The following EXT1 variants were observed in gnomAD, a reference collection of about 807,000 sequenced individuals.
EXT1 encodes exostosin-1.
A neutral mutation model predicts 82.5 loss-of-function variants in EXT1; 20 were observed. The ratio of observed to expected loss-of-function variants is 0.24; its 90% CI spans 0.17 to 0.35. The LOEUF (loss-of-function observed/expected upper bound fraction) is 0.35. Among genes scored for constraint, EXT1 ranks in the 10% least tolerant of loss-of-function variants. The pLI is 1.00. For synonymous variants in EXT1, 348 were observed against 350.8 expected, an observed-to-expected ratio of 0.99 and a Z score of 0.09; for missense variants, 757 against 936.5, an observed-to-expected ratio of 0.81 and a Z score of 2.50.
intron 1 of EXT1, among the ~76,000 whole-genome samples, chr8:117,869,771 T>C (rs941121924): frequency 6.6e-6 from 1 of 152,162 alleles, no homozygotes; most frequent in African/African-American, 2.4e-5. Flanking sequence ...TCAAATTCCT[T>C]AGCCATAAAC....
chr8:117,897,204 A>G (rs2129957866), intron 1 of EXT1, among the ~76,000 whole-genome samples: 1 of 152,332 alleles, frequency 6.6e-6, no homozygotes, highest in South Asian at 2.1e-4. Flanking sequence ...ATCCCCTGTA[A>G]CCTAGAGCTT....
At chr8:117,911,655 C>A (rs548772877) in intron 1 of EXT1, among the ~76,000 whole-genome samples, 2 of 152,170 alleles carry the variant, frequency 1.3e-5, no homozygotes, top group Non-Finnish European at 2.9e-5. Context: ...ACTTATTCTG[C>A]GAGCTTGTAA....
At chr8:118,048,984 G>A (rs1198300977) in intron 1 of EXT1, among the ~76,000 whole-genome samples, 1 of 151,912 alleles carries the variant, frequency 6.6e-6, no homozygotes, top group Non-Finnish European at 1.5e-5. Context: ...CCAATAACAA[G>A]AACTAAAGCT....
chr8:117,888,795 G>C (rs1325624057), intron 1 of EXT1, among the ~76,000 whole-genome samples: 1 of 152,142 alleles, frequency 6.6e-6, no homozygotes, highest in Admixed American at 6.5e-5. Context: ...TCCTTTGTCT[G>C]AATTCTGCTA....
chr8:118,009,882 C>T (rs920482965), intron 1 of EXT1, among the ~76,000 whole-genome samples: 1 of 152,070 alleles, frequency 6.6e-6, no homozygotes, highest in Non-Finnish European at 1.5e-5. Flanking sequence ...GGTTGGGAAC[C>T]GCTAGTCTAT....
At position 117,872,713 on chromosome 8, in the gene EXT1, GCAATATTATA is replaced by G. The variant is rs761126727; in HGVS notation, c.963-35522_963-35513del. Among the ~76,000 whole-genome samples the G allele has an allele frequency of 3.6e-4, 54 of 151,526 alleles. 1 individual carries two copies. The highest frequency in any genetic ancestry group is 1.3e-4 in the Non-Finnish European group (9 of 67,940). On this transcript the variant is annotated intron_variant, in intron 1 of 10. Transcript: ENST00000378204. ...TCACAAAATGGAAAAGAAAGAAATG[GCAATATTATA>G]CAATGTGTTTTGGTATCTTATTTCT...
chr8:117,919,922 G>A (rs1813823517), intron 1 of EXT1, among the ~76,000 whole-genome samples: 1 of 152,090 alleles, frequency 6.6e-6, no homozygotes, highest in South Asian at 2.1e-4. Context: ...TAGATTTTAT[G>A]TATTTACTAT....
rs780989816 is a variant in EXT1, at chr8:117,822,535, A to G, written c.1347T>C (p.Pro449=). Residue 449 remains proline (P), a synonymous_variant, in exon 5 of 11, where the codon CCT becomes CCC. Coordinates refer to ENST00000378204, the MANE Select transcript of EXT1 (RefSeq NM_000127.3). ...SRNSLIWNKH[P]GGLFVLPQYS... The stretch of plus-strand genomic sequence containing the variant: ...ACTGTGGTAGTACGAACAATCCTCC[A>G]GGATGTTTGTTCCATATTAAACTGT... 1 of 1,612,794 alleles carries G rather than the reference A, an allele frequency of 6.2e-7. No homozygotes were observed. Among genetic ancestry groups the G allele is most frequent in the South Asian group, 1.1e-5 (1 of 91,056 alleles).
chr8:117,896,342 C>G (rs1252832144), intron 1 of EXT1, among the ~76,000 whole-genome samples: 2 of 152,154 alleles, frequency 1.3e-5, no homozygotes, highest in South Asian at 4.1e-4. Context: ...GCATCTTTAA[C>G]ACAAATCATC....
chr8:117,943,944 T>A (rs1049266954), intron 1 of EXT1, among the ~76,000 whole-genome samples: 1 of 152,162 alleles, frequency 6.6e-6, no homozygotes, highest in Admixed American at 6.5e-5. Context: ...GGTTTCACCC[T>A]CCCACCCCCT....
intron 1 of EXT1, among the ~76,000 whole-genome samples, chr8:117,954,536 G>A (rs1157483743): frequency 6.6e-6 from 1 of 152,134 alleles, no homozygotes; most frequent in Non-Finnish European, 1.5e-5. Context: ...TTGTTATTTA[G>A]ATTATATATG....
chr8:117,833,719 A>G (rs531174066), intron 3 of EXT1, among the ~76,000 whole-genome samples: 10 of 152,312 alleles, frequency 6.6e-5, no homozygotes, highest in African/African-American at 2.4e-4. Flanking sequence ...TCATGGGAGC[A>G]TTGGTATATA....
intron 1 of EXT1, among the ~76,000 whole-genome samples, chr8:118,032,415 AG>A (rs1380930850): frequency 6.6e-6 from 1 of 151,878 alleles, no homozygotes; most frequent in Non-Finnish European, 1.5e-5. Flanking sequence ...GATTTTTTTC[AG>A]GGTCTGTGCT....
chr8:118,005,515 C>T (rs1348324139), intron 1 of EXT1, among the ~76,000 whole-genome samples: 1 of 152,180 alleles, frequency 6.6e-6, no homozygotes, highest in Non-Finnish European at 1.5e-5. Flanking sequence ...CTGACTTTCA[C>T]AGCAACTCTA....
intron 1 of EXT1, among the ~76,000 whole-genome samples, chr8:117,858,787 A>AGGCAGGCAG (rs1563582063): frequency 8.2e-6 from 1 of 121,976 alleles, no homozygotes; most frequent in Non-Finnish European, 1.6e-5. Context: ...GCAGGCAGGC[A>AGGCAGGCAG]GGCAAGGCAA....
rs17430673 is a variant in EXT1, at chr8:117,912,989, T to C, written c.963-75788A>G. 6.1e-3 allele frequency among the ~76,000 whole-genome samples: 934 copies of C among 152,260 alleles called. 3 individuals carry two copies. Among genetic ancestry groups the C allele is most frequent in the African/African-American group, 0.01 (430 of 41,554 alleles). On this transcript the variant is annotated intron_variant, in intron 1 of 10. Coordinates refer to ENST00000378204, the MANE Select transcript of EXT1 (RefSeq NM_000127.3). ...CTATAATCCCAGCACTTTGGGAGGC[T>C]GAGACAGGTGGATCACTGAAGGTCA... is the stretch of plus-strand genomic sequence containing the variant.
chr8:118,068,912 C>T lies in EXT1; in HGVS notation c.962+41173G>A, dbSNP rs186848920. ...ACTGCTGTTATTTATTCAGTCCAAG[C>T]CTAAGCTGCAAGAAGCTTTAGAGCT... On this transcript the variant is annotated intron_variant, in intron 1 of 10. Coordinates refer to ENST00000378204, the MANE Select transcript of EXT1 (RefSeq NM_000127.3). Among the ~76,000 whole-genome samples the T allele has an allele frequency of 4.1e-5, 6 of 144,998 alleles. No homozygotes were observed. In the East Asian group the frequency reaches 1.2e-3, roughly 28 times the overall value.
At chr8:117,953,726 T>C (rs1814535296) in intron 1 of EXT1, among the ~76,000 whole-genome samples, 1 of 152,050 alleles carries the variant, frequency 6.6e-6, no homozygotes, top group Non-Finnish European at 1.5e-5. Context: ...CAATATATTA[T>C]GATGCCTTCA....
At position 117,807,369 on chromosome 8, in the gene EXT1, G is replaced by A. The variant is rs545793430; in HGVS notation, c.1731C>T (p.Phe577=). ...DTVLSTTEVD[F]AFTVWQSFPE... ...GGAAGCTCTGCCACACTGTGAAGGC[G>A]AAATCCACCTGCAGGCAGAACACAA... The change falls in exon 9 of 11, where the codon TTC becomes TTT. Residue 577 remains phenylalanine, a synonymous_variant. Coordinates refer to ENST00000378204, the MANE Select transcript of EXT1 (RefSeq NM_000127.3). The A allele has an allele frequency of 3.5e-5, 56 of 1,614,164 alleles. No homozygotes were observed. Among genetic ancestry groups the A allele is most frequent in the South Asian group, 2.5e-4 (23 of 91,084 alleles).
Sources: gnomAD v4.1 joint callset for allele counts (sites outside exome capture counted in the v4.1 genomes callset) on GRCh38, gnomAD v4.1.1 for gene constraint, MANE v1.5 for transcripts, NCBI Gene and HGNC (gene_info 2026-07-23, HGNC 2026-07-21) for gene names.